Variants in AFF2 observed in about 807,000 individuals in gnomAD.
The protein encoded by AFF2 is ALF transcription elongation factor 2.
In AFF2, 14 loss-of-function variants were observed where a neutral mutation model predicts 76.9. The observed-to-expected ratio is 0.18, with a 90% CI of 0.12 to 0.28. The LOEUF is 0.28. AFF2 is among the 10% of genes least tolerant of loss of function. AFF2 has a pLI of 1.00. For missense variants in AFF2, 868 were observed against 1,001.1 expected, an observed-to-expected ratio of 0.87 and a Z score of 1.79; for synonymous variants, 398 against 366.7, an observed-to-expected ratio of 1.09 and a Z score of -0.98.
chrX:148,791,756 T>C (rs2069898140), intron 3 of AFF2, among the ~76,000 whole-genome samples: 1 of 111,561 alleles, frequency 9.0e-6, no homozygotes, highest in Non-Finnish European at 1.9e-5. Context: ...TAATTTGAAG[T>C]GATTGTATTG....
intron 9 of AFF2, among the ~76,000 whole-genome samples, chrX:148,916,171 A>G (rs1478150350): frequency 1.0e-5 from 1 of 99,359 alleles, no homozygotes; most frequent in Non-Finnish European, 2.0e-5. Flanking sequence ...AGTGATGGGT[A>G]ATAGACTTTT....
intron 5 of AFF2, among the ~76,000 whole-genome samples, chrX:148,840,017 G>A (rs2070579541): frequency 9.1e-6 from 1 of 109,741 alleles, no homozygotes. Context: ...AACAAATACA[G>A]TTGAAAATTC....
intron 1 of AFF2, among the ~76,000 whole-genome samples, chrX:148,585,243 G>A (rs1401960383): frequency 9.0e-6 from 1 of 111,656 alleles, no homozygotes; most frequent in Admixed American, 9.4e-5. Context: ...ACAAACATAG[G>A]TAGGACTGTC....
intron 3 of AFF2, among the ~76,000 whole-genome samples, chrX:148,746,556 T>C (rs781815892): frequency 8.9e-6 from 1 of 112,509 alleles, no homozygotes; most frequent in Non-Finnish European, 1.9e-5. Context: ...CCTAAAGGAT[T>C]TAGGCTACTG....
At chrX:148,693,990 T>TA (rs2124505353) in intron 3 of AFF2, among the ~76,000 whole-genome samples, 1 of 111,025 alleles carries the variant, frequency 9.0e-6, no homozygotes, top group South Asian at 3.9e-4. Flanking sequence ...TATGCAGCCG[T>TA]AAAAAATGAT....
intron 1 of AFF2, among the ~76,000 whole-genome samples, chrX:148,564,788 T>C (rs782180544): frequency 8.9e-6 from 1 of 112,045 alleles, no homozygotes; most frequent in Admixed American, 9.5e-5. Flanking sequence ...CTTTGTATTA[T>C]GTGCAGCTTT....
chrX:148,890,932 A>C (rs2124164777), intron 8 of AFF2, among the ~76,000 whole-genome samples: 1 of 112,366 alleles, frequency 8.9e-6, no homozygotes, highest in South Asian at 3.7e-4. Context: ...CTATGTACTT[A>C]GTGTCTGAAT....
At chrX:148,971,753 T>C (rs1557289586) in intron 15 of AFF2, among the ~76,000 whole-genome samples, 1 of 65,596 alleles carries the variant, frequency 1.5e-5, no homozygotes, top group East Asian at 3.7e-4. Context: ...ATTTCTTTTT[T>C]TTTTTTTTTT....
At chrX:148,779,680 T>G (rs1557268902) in intron 3 of AFF2, among the ~76,000 whole-genome samples, 1 of 111,926 alleles carries the variant, frequency 8.9e-6, no homozygotes, top group Non-Finnish European at 1.9e-5. Context: ...AGCACACCAA[T>G]GCGTCTTGGC....
intron 1 of AFF2, among the ~76,000 whole-genome samples, chrX:148,531,603 T>C (rs1186744455): frequency 8.9e-6 from 1 of 112,615 alleles, no homozygotes; most frequent in African/African-American, 3.2e-5. Flanking sequence ...CCCTAGGGCA[T>C]AGTGTAGGTG....
At chrX:148,790,124 T>C (rs2069873228) in intron 3 of AFF2, among the ~76,000 whole-genome samples, 1 of 112,155 alleles carries the variant, frequency 8.9e-6, no homozygotes, top group Non-Finnish European at 1.9e-5. Context: ...GGTTGTCAAA[T>C]GGTTAGCTTG....
rs1165385117 is a variant in AFF2 at position 148,995,490 on chromosome X, C to CGGGG, written c.*4162_*4165dup. 29 of 45,972 alleles carry CGGGG rather than the reference C, an allele frequency of 6.3e-4. No homozygotes were observed. Among genetic ancestry groups the CGGGG allele is most frequent in the African/African-American group, 1.7e-3 (28 of 16,248 alleles). 3.8% of individuals were successfully genotyped at this position (45,972 alleles called of 1,213,427 possible). On this transcript the variant is annotated 3_prime_UTR_variant, in exon 21 of 21. Coordinates refer to ENST00000370460, the MANE Select transcript of AFF2 (RefSeq NM_002025.4). Reference sequence around the variant, plus strand: ...GGCAGAAAGGGGGTGGGGGTGGGGGCGGGGGGGTGGGGGGTGGGGAAGCCC... The same window carrying CGGGG: ...GGCAGAAAGGGGGTGGGGGTGGGGGCGGGGGGGGGGGTGGGGGGTGGGGAAGCCC...
intron 3 of AFF2, among the ~76,000 whole-genome samples, chrX:148,745,032 C>T (rs1468192997): frequency 9.0e-6 from 1 of 111,722 alleles, no homozygotes; most frequent in Admixed American, 9.4e-5. Context: ...TACCATGGCA[C>T]AGGGAATAGT....
chrX:148,733,419 C>G (rs1557264843), intron 3 of AFF2, among the ~76,000 whole-genome samples: 1 of 110,696 alleles, frequency 9.0e-6, no homozygotes, highest in African/African-American at 3.3e-5. Flanking sequence ...TTCATTCATC[C>G]TTTCATTCAT....
chrX:148,581,227 CGTAT>C, intron 1 of AFF2, among the ~76,000 whole-genome samples: 1 of 35,818 alleles, frequency 2.8e-5, no homozygotes, highest in Non-Finnish European at 4.9e-5. Flanking sequence ...ATATAATATA[CGTAT>C]ACGTATACGT....
At chrX:148,598,470 G>A (rs1341347644) in intron 1 of AFF2, among the ~76,000 whole-genome samples, 1 of 112,070 alleles carries the variant, frequency 8.9e-6, no homozygotes, top group Non-Finnish European at 1.9e-5. Flanking sequence ...CCAGGTGGCA[G>A]GGTGAGAAGG....
intron 1 of AFF2, among the ~76,000 whole-genome samples, chrX:148,589,940 A>C (rs1557246377): frequency 1.9e-5 from 2 of 105,940 alleles, no homozygotes; most frequent in Non-Finnish European, 3.9e-5. Flanking sequence ...GGAAGTAGGT[A>C]AAACAGTCAA....
intron 3 of AFF2, among the ~76,000 whole-genome samples, chrX:148,759,613 T>C (rs1261876851): frequency 8.9e-6 from 1 of 112,152 alleles, no homozygotes; most frequent in East Asian, 2.8e-4. Context: ...AACCACTGAA[T>C]GCACAGTGCA....
At chrX:148,663,898 C>G (rs2054332834) in intron 3 of AFF2, among the ~76,000 whole-genome samples, 1 of 111,833 alleles carries the variant, frequency 8.9e-6, no homozygotes, top group Admixed American at 9.4e-5. Flanking sequence ...GGAGGGAGGC[C>G]TGGGGCTGTT....
Sources: gnomAD v4.1 joint callset for allele counts (sites outside exome capture counted in the v4.1 genomes callset) on GRCh38, gnomAD v4.1.1 for gene constraint, MANE v1.5 for transcripts, NCBI Gene and HGNC (gene_info 2026-07-23, HGNC 2026-07-21) for gene names.